The following CNTNAP4 variants were observed in gnomAD, a reference collection of about 807,000 sequenced individuals.
CNTNAP4 encodes the protein contactin-associated protein-like 4.
Under a neutral mutation model 148.4 loss-of-function variants are expected in CNTNAP4, and 98 were observed. The observed-to-expected ratio is 0.66, with a 90% CI of 0.56 to 0.78. CNTNAP4 has a LOEUF of 0.78. Among genes scored for constraint, CNTNAP4 ranks in the 30% least tolerant of loss-of-function variants. The pLI, the probability that CNTNAP4 is intolerant of heterozygous loss-of-function variation, is 0.00. For synonymous variants in CNTNAP4, 730 were observed against 565.1 expected, an observed-to-expected ratio of 1.29 and a Z score of -4.14; for missense variants, 1,935 against 1,565.6, an observed-to-expected ratio of 1.24 and a Z score of -3.98.
intron 15 of CNTNAP4, among the ~76,000 whole-genome samples, chr16:76,509,045 C>T: frequency 1.0e-5 from 1 of 97,436 alleles, no homozygotes. Context: ...GCCACCGTGC[C>T]TGGCCAAAAT....
chr16:76,522,335 A>G (rs1254413733), intron 17 of CNTNAP4, 78 bp downstream of exon 17: 4 of 1,161,342 alleles, frequency 3.4e-6, no homozygotes, highest in East Asian at 2.5e-5. Context: ...AATACCAACT[A>G]TAGAAACAAG....
chr16:76,336,307 T>G (rs1964019247), intron 2 of CNTNAP4, among the ~76,000 whole-genome samples: 1 of 152,234 alleles, frequency 6.6e-6, no homozygotes, highest in Admixed American at 6.5e-5. Context: ...ATATGTACAG[T>G]AATCTGCTGG....
chr16:76,453,596 A>T (rs1482073953), intron 8 of CNTNAP4, among the ~76,000 whole-genome samples: 4 of 152,202 alleles, frequency 2.6e-5, no homozygotes, highest in Non-Finnish European at 5.9e-5. Flanking sequence ...ATCTTTAAAA[A>T]CAACTTAAAG....
At chr16:76,518,228 A>C (rs1464432705) in intron 15 of CNTNAP4, among the ~76,000 whole-genome samples, 1 of 152,094 alleles carries the variant, frequency 6.6e-6, no homozygotes, top group East Asian at 1.9e-4. Flanking sequence ...CCCAGGCTCA[A>C]GTGATTCTCC....
At chr16:76,499,065 A>AT (rs57402016) in intron 15 of CNTNAP4, among the ~76,000 whole-genome samples, 44 of 122,798 alleles carry the variant, frequency 3.6e-4, no homozygotes, top group African/African-American at 1.3e-3. Flanking sequence ...TTTTACCACA[A>AT]TTTTTTTTTT....
chr16:76,330,833 C>G (rs1567730182), intron 2 of CNTNAP4, among the ~76,000 whole-genome samples: 1 of 152,068 alleles, frequency 6.6e-6, no homozygotes, highest in Non-Finnish European at 1.5e-5. Flanking sequence ...AGAAAAATGT[C>G]ATAAATATAA....
rs568822378 is a variant in CNTNAP4, at chr16:76,358,665, C to A, written c.390+3154C>A. Reference sequence around the variant, plus strand: ...TAGTGAGATTACTGGTCACATTGGACTATCAAGTTTTGGAAAGACTGGAAG... The same window carrying A: ...TAGTGAGATTACTGGTCACATTGGAATATCAAGTTTTGGAAAGACTGGAAG... On this transcript the variant is annotated intron_variant, in intron 3 of 23. Coordinates refer to ENST00000611870, the MANE Select transcript of CNTNAP4 (RefSeq NM_033401.5). Among the ~76,000 whole-genome samples the A allele has an allele frequency of 4.6e-5, 7 of 152,180 alleles. No homozygotes were observed. The East Asian group carries it at 1.4e-3, about 29-fold the overall frequency.
intron 3 of CNTNAP4, among the ~76,000 whole-genome samples, chr16:76,365,007 G>T (rs1240812423): frequency 3.3e-5 from 5 of 152,102 alleles, no homozygotes; most frequent in African/African-American, 1.2e-4. Flanking sequence ...TATGGTTATA[G>T]GTCTTACGTT....
chr16:76,367,907 G>C (rs2014350805), intron 3 of CNTNAP4, among the ~76,000 whole-genome samples: 1 of 152,086 alleles, frequency 6.6e-6, no homozygotes, highest in Non-Finnish European at 1.5e-5. Context: ...ATCAGTCCTA[G>C]GCTATTCACT....
At position 76,368,661 on chromosome 16, in the gene CNTNAP4, G is replaced by A. The variant is rs556579806; in HGVS notation, c.390+13150G>A. ...CACAGGGAGGGGAACATCACACACC[G>A]GGGCCTGTTGTGGGGTAAGGGGCAA... On this transcript the variant is annotated intron_variant, in intron 3 of 23. Transcript: ENST00000611870. Among the ~76,000 whole-genome samples the A allele has an allele frequency of 4.6e-5, 7 of 152,088 alleles. No homozygotes were observed. The East Asian group carries it at 7.8e-4, about 17-fold the overall frequency.
At position 76,521,141 on chromosome 16, in the gene CNTNAP4, A is replaced by T; in HGVS notation, c.2367A>T (p.Arg789Ser). 6.4e-7 allele frequency: 1 copy of T among 1,561,218 alleles called. No individual in the cohort carries two copies. The highest frequency in any genetic ancestry group is 1.2e-5 in the South Asian group (1 of 80,544). The change falls in exon 16 of 24, where the codon AGA becomes AGT. Residue 789 changes from arginine to serine, a missense_variant and splice_region_variant. Transcript: ENST00000611870. ...TTCTTTTTTTTTTTCACAAAACAGG[A>T]TCATTTTGGAATTCAGCTTCCTTTG... ...KLGPLLCQGDRSFWNSASFDT... is the reference protein window; with the variant it reads ...KLGPLLCQGDSSFWNSASFDT...
intron 1 of CNTNAP4, among the ~76,000 whole-genome samples, chr16:76,296,128 T>G (rs907098499): frequency 2.0e-5 from 3 of 152,248 alleles, no homozygotes; most frequent in African/African-American, 4.8e-5. Context: ...CATGGTAATG[T>G]ATTGAGTAAA....
chr16:76,409,256 G>T (rs1294250798), intron 3 of CNTNAP4, among the ~76,000 whole-genome samples: 1 of 151,620 alleles, frequency 6.6e-6, no homozygotes, highest in African/African-American at 2.4e-5. Context: ...CGTTTTATCT[G>T]GTTCCTTACA....
At chr16:76,382,477 T>C (rs973002467) in intron 3 of CNTNAP4, among the ~76,000 whole-genome samples, 14 of 152,136 alleles carry the variant, frequency 9.2e-5, no homozygotes, top group African/African-American at 3.4e-4. Context: ...CAGAAACTTA[T>C]CCTGATAAAG....
chr16:76,489,590 C>A, intron 12 of CNTNAP4, 96 bp from the exon 13 acceptor site: 1 of 623,506 alleles, frequency 1.6e-6, no homozygotes, highest in Non-Finnish European at 2.5e-6. Context: ...AAACATTTGA[C>A]TCAGATAAAA....
chr16:76,402,754 A>G (rs985821491), intron 3 of CNTNAP4, among the ~76,000 whole-genome samples: 3 of 152,130 alleles, frequency 2.0e-5, no homozygotes, highest in African/African-American at 7.2e-5. Context: ...CTTTGTTCTC[A>G]TTAGTTTCAA....
At chr16:76,386,816 AT>A (rs2016554797) in intron 3 of CNTNAP4, among the ~76,000 whole-genome samples, 1 of 152,172 alleles carries the variant, frequency 6.6e-6, no homozygotes, top group Admixed American at 6.5e-5. Flanking sequence ...ATTACCCTGG[AT>A]TACACAGGTG....
At chr16:76,370,587 A>G (rs2014693376) in intron 3 of CNTNAP4, among the ~76,000 whole-genome samples, 1 of 152,182 alleles carries the variant, frequency 6.6e-6, no homozygotes, top group African/African-American at 2.4e-5. Context: ...GACACAGTCC[A>G]CGTCACTCAG....
chr16:76,530,043 T>G (rs2083908283), intron 17 of CNTNAP4, among the ~76,000 whole-genome samples: 1 of 152,104 alleles, frequency 6.6e-6, no homozygotes, highest in South Asian at 2.1e-4. Flanking sequence ...TTGTCTTATT[T>G]TTTTTAAAAA....
Sources: gnomAD v4.1 joint callset for allele counts (sites outside exome capture counted in the v4.1 genomes callset) on GRCh38, gnomAD v4.1.1 for gene constraint, MANE v1.5 for transcripts, NCBI Gene and HGNC (gene_info 2026-07-23, HGNC 2026-07-21) for gene names.